POMGNT1: variants seen among roughly 807,000 people sequenced by gnomAD.
POMGNT1 encodes protein O-linked mannose N-acetylglucosaminyltransferase 1 (beta 1,2-), also known as protein O-linked-mannose beta-1,2-N-acetylglucosaminyltransferase 1.
A neutral mutation model predicts 95.6 loss-of-function variants in POMGNT1; 67 were observed. The ratio of observed to expected loss-of-function variants is 0.70; its 90% confidence interval spans 0.58 to 0.86. The LOEUF is 0.86. POMGNT1 is among the 40% of genes least tolerant of loss of function. The pLI, the probability that POMGNT1 is intolerant of heterozygous loss-of-function variation, is 0.00. For missense variants in POMGNT1, 719 were observed against 855.2 expected (o/e 0.84, Z 1.99); for synonymous variants, 298 against 317.9 (o/e 0.94, Z 0.66).
chr1:46,219,958 C>A, exon 1 of POMGNT1: 1 of 1,614,238 alleles, frequency 6.2e-7, no homozygotes, highest in East Asian at 2.2e-5. Context: ...ACAGTGGCCC[C>A]CAGCGAGCTG....
At chr1:46,193,265 A>G (rs1407306898) in intron 12 of POMGNT1, 40 bp downstream of exon 12, 1 of 1,613,998 alleles carries the variant, frequency 6.2e-7, no homozygotes, top group Admixed American at 1.7e-5. Flanking sequence ...TAGAAGGCAG[A>G]GCCAGGTGTC....
chr1:46,218,939 T>G (rs968901016), intron 1 of POMGNT1, among the ~76,000 whole-genome samples: 1 of 152,072 alleles, frequency 6.6e-6, no homozygotes, highest in Non-Finnish European at 1.5e-5. Flanking sequence ...ACTTCCTGAT[T>G]AACACCCTAT....
Position 46,192,363 on chromosome 1 carries a change from A to T in POMGNT1, c.1358T>A (p.Leu453His). Residue 453 changes from leucine to histidine, a missense_variant, in exon 16 of 22, where the codon CTC becomes CAC. Transcript: ENST00000371984. ...CTCCTCCTTGTACAAGGACCTCCTG[A>T]GCACCCAGCCCAGCCCAGGCATGGT... ...VETMPGLGWV[L>H]RRSLYKEELE... The T allele has an allele frequency of 5.0e-6, 8 of 1,614,060 alleles. No homozygotes were observed. The highest frequency in any genetic ancestry group is 1.3e-5 in the African/African-American group (1 of 75,010).
At chr1:46,210,965 A>C (rs1658876861) in intron 1 of POMGNT1, among the ~76,000 whole-genome samples, 1 of 144,526 alleles carries the variant, frequency 6.9e-6, no homozygotes, top group Admixed American at 7.0e-5. Flanking sequence ...TTTTTGGTAG[A>C]GACAGGGTTT....
rs1314250739 is a variant in POMGNT1 at position 46,194,923 on chromosome 1, A to G, written c.573T>C (p.Ala191=). The G allele has an allele frequency of 1.2e-6, 2 of 1,614,082 alleles. No individual in the cohort carries two copies. The highest frequency in any genetic ancestry group is 3.3e-5 in the Admixed American group (2 of 60,024). ...CCTGGCTGCCCAGGCTCCTCAGCAG[A>G]GCCTTGGCTGTGTCCTTGAGGTGGA... The part of the protein sequence containing the change: ...GSFHLKDTAK[A]LLRSLGSQAG... The change falls in exon 7 of 22, where the codon GCT becomes GCC. Residue 191 remains alanine, a synonymous_variant. Transcript: ENST00000371984.
intron 17 of POMGNT1, 151 bp from the exon 18 acceptor site, chr1:46,190,935 C>T: frequency 1.4e-6 from 1 of 729,396 alleles, no homozygotes; most frequent in Non-Finnish European, 2.5e-6. Flanking sequence ...ATCCTCTTTG[C>T]AGCATCCTCA....
chr1:46,216,456 C>T (rs1435382101), intron 1 of POMGNT1, among the ~76,000 whole-genome samples: 1 of 152,182 alleles, frequency 6.6e-6, no homozygotes, highest in African/African-American at 2.4e-5. Flanking sequence ...ATCCTCTCAC[C>T]TCAGCCTCCC....
intron 2 of POMGNT1, 96 bp from the exon 3 acceptor site, chr1:46,197,180 A>C: frequency 6.2e-7 from 1 of 1,606,150 alleles, no homozygotes; most frequent in Non-Finnish European, 8.5e-7. Context: ...GAAGACATCC[A>C]GAGAAACTGG....
Position 46,188,980 on chromosome 1 carries a change from C to T in POMGNT1, c.*290G>A, listed in dbSNP as rs1657527350. ...TAAATAGGTTAGATTCTGAGCCAGG[C>T]CTGGAAAGTGAGGGTATTCAAAGGG... is the stretch of plus-strand genomic sequence containing the variant. On this transcript the variant is annotated 3_prime_UTR_variant, in exon 22 of 22. Coordinates refer to ENST00000371984, the MANE Select transcript of POMGNT1 (RefSeq NM_017739.4). 6.2e-6 allele frequency: 10 copies of T among 1,606,674 alleles called. No homozygotes were observed. Among genetic ancestry groups the T allele is most frequent in the Middle Eastern group, 1.7e-4 (1 of 5,758 alleles).
Position 46,188,752 on chromosome 1 carries a change from G to A in POMGNT1, c.*518C>T. 4.3e-6 allele frequency: 7 copies of A among 1,612,228 alleles called. No homozygotes were observed. Among genetic ancestry groups the A allele is most frequent in the Non-Finnish European group, 5.1e-6 (6 of 1,179,426 alleles). ...CTTTGGAAATCTGGACAAAGAGAAG[G>A]CTGAGAGGAGGCCTGGTCCAGTGTC... On this transcript the variant is annotated 3_prime_UTR_variant, in exon 22 of 22. Coordinates refer to ENST00000371984, the MANE Select transcript of POMGNT1 (RefSeq NM_017739.4).
Position 46,188,923 on chromosome 1 carries a change from CGG to C in POMGNT1, c.*345_*346del. ...AAAAGAAATCCAGGCCCTCCAGGTT[CGG>C]CCTGTTTTCAAGGCCCTCAGGACAG... is the stretch of plus-strand genomic sequence containing the variant. On this transcript the variant is annotated 3_prime_UTR_variant, in exon 22 of 22. Coordinates refer to ENST00000371984, the MANE Select transcript of POMGNT1 (RefSeq NM_017739.4). 6.2e-7 allele frequency: 1 copy of C among 1,612,792 alleles called. No individual in the cohort carries two copies. Among genetic ancestry groups the C allele is most frequent in the South Asian group, 1.1e-5 (1 of 91,070 alleles).
rs1658253426 is a variant in POMGNT1, at chr1:46,196,559, G to A, written c.354+172C>T. On this transcript the variant is annotated intron_variant, in intron 4 of 21. Transcript: ENST00000371984. This position sits in a 1 kb window ranked among gnomAD's most constrained non-coding sequence, Gnocchi z 4.4. Reference sequence around the variant, plus strand: ...CTTCACAAACTTTTCATTGAATCCTGACAAGTAGAAATCATTAGTCCCAGT... The same window carrying A: ...CTTCACAAACTTTTCATTGAATCCTAACAAGTAGAAATCATTAGTCCCAGT... Among the ~76,000 whole-genome samples, 1 of 152,234 alleles carries A rather than the reference G, an allele frequency of 6.6e-6. No homozygotes were observed. Among genetic ancestry groups the A allele is most frequent in the Non-Finnish European group, 1.5e-5 (1 of 68,044 alleles).
At chr1:46,216,666 G>C (rs569157699) in intron 1 of POMGNT1, among the ~76,000 whole-genome samples, 3 of 152,156 alleles carry the variant, frequency 2.0e-5, no homozygotes, top group African/African-American at 7.2e-5. Flanking sequence ...GATTCGGAGG[G>C]GGGTACCTGC....
At chr1:46,212,437 C>T (rs1372559654) in intron 1 of POMGNT1, among the ~76,000 whole-genome samples, 4 of 151,500 alleles carry the variant, frequency 2.6e-5, no homozygotes, top group Non-Finnish European at 4.4e-5. Context: ...TACACTGCCA[C>T]GCCCAGCGAA....
chr1:46,191,581 A>G (rs1214137844), intron 17 of POMGNT1: 1 of 221,998 alleles, frequency 4.5e-6, no homozygotes. Flanking sequence ...AGCACTTTAC[A>G]TATATTGACT....
At position 46,189,342 on chromosome 1, in the gene POMGNT1, G is replaced by C. The variant is rs747815387; in HGVS notation, c.1911C>G (p.Pro637=). ...PASPYSVKKP[P]SVTPIFLEPP... is the part of the protein sequence containing the mutation. The stretch of plus-strand genomic sequence containing the variant: ...GCTCCAGGAAAATTGGGGTGACTGA[G>C]GGTGGCTTCTTCACTCTGGGAAAAT... The change falls in exon 22 of 22, where the codon CCC becomes CCG. Residue 637 remains proline, a synonymous_variant. Transcript: ENST00000371984. The C allele has an allele frequency of 1.2e-6, 2 of 1,613,810 alleles. No homozygotes were observed. Among genetic ancestry groups the C allele is most frequent in the Admixed American group, 3.3e-5 (2 of 60,004 alleles).
At chr1:46,216,268 T>G (rs377700616) in intron 1 of POMGNT1, among the ~76,000 whole-genome samples, 3 of 151,870 alleles carry the variant, frequency 2.0e-5, no homozygotes, top group African/African-American at 7.3e-5. Context: ...GGATGGTCTC[T>G]ATCTCCTGAC....
In POMGNT1 at chr1:46,196,155, C is replaced by A; in HGVS notation, c.355-78G>T. 1 of 1,606,902 alleles carries A rather than the reference C, an allele frequency of 6.2e-7. No homozygotes were observed. The highest frequency in any genetic ancestry group is 8.5e-7 in the Non-Finnish European group (1 of 1,178,220). ...CTCTGTCTTAGGGGTACTTAAAACACCAGCTGCTTGAAACATCACCTCCTG... is the reference window on the plus strand; with the variant it reads ...CTCTGTCTTAGGGGTACTTAAAACAACAGCTGCTTGAAACATCACCTCCTG... On this transcript the variant is annotated intron_variant, in intron 4 of 21. Coordinates refer to ENST00000371984, the MANE Select transcript of POMGNT1 (RefSeq NM_017739.4). The surrounding 1 kb of genome is among the most constrained non-coding windows in gnomAD (Gnocchi z 4.4).
chr1:46,194,073 C>A, intron 9 of POMGNT1, 148 bp from the exon 10 acceptor site: 2 of 1,536,598 alleles, frequency 1.3e-6, no homozygotes. Flanking sequence ...GCTCTCCACA[C>A]ACTCAGCCCA....
Sources: gnomAD v4.1 joint callset for allele counts (sites outside exome capture counted in the v4.1 genomes callset) on GRCh38, gnomAD v4.1.1 for gene constraint, Gnocchi (gnomAD v3.1) non-coding constraint, MANE v1.5 for transcripts, NCBI Gene and HGNC (gene_info 2026-07-23, HGNC 2026-07-21) for gene names.